The following CACNA1H variants were observed in gnomAD, a reference collection of about 807,000 sequenced individuals.
The protein encoded by CACNA1H is voltage-dependent T-type calcium channel subunit alpha-1H.
A neutral mutation model predicts 192.5 loss-of-function variants in CACNA1H; 149 were observed. The ratio of observed to expected loss-of-function variants is 0.77; its 90% CI spans 0.68 to 0.89. The LOEUF is 0.89. Ranked by LOEUF, CACNA1H falls within the 40% of genes least tolerant of loss-of-function variation. The probability of loss-of-function intolerance (pLI) is 0.00; values close to 1 mark genes in which losing one functional copy is unlikely to be tolerated. For synonymous variants in CACNA1H, 2,202 were observed against 1,475.2 expected, an observed-to-expected ratio of 1.49 and a Z score of -11.29; for missense variants, 4,257 against 3,423.5, an observed-to-expected ratio of 1.24 and a Z score of -6.08.
chr16:1,167,164 C>G lies in CACNA1H; in HGVS notation c.299+13128C>G, dbSNP rs1220022250. On this transcript the variant is annotated intron_variant, in intron 2 of 34. Transcript: ENST00000348261. The surrounding 1 kb of genome is among the most constrained non-coding windows in gnomAD (Gnocchi z 4.2). ...TTTCCTCGCCGACCCTTTGGGGCGT[C>G]TCCCATCGGGAAATGGCAGCCCCTG... Among the ~76,000 whole-genome samples the G allele has an allele frequency of 6.6e-6, 1 of 152,208 alleles. No homozygotes were observed. The highest frequency in any genetic ancestry group is 1.9e-4 in the East Asian group (1 of 5,174).
chr16:1,207,066 C>T lies in CACNA1H; in HGVS notation c.2855C>T (p.Pro952Leu). 6.2e-7 allele frequency: 1 copy of T among 1,603,514 alleles called. No individual in the cohort carries two copies. Among genetic ancestry groups the T allele is most frequent in the East Asian group, 2.3e-5 (1 of 44,440 alleles). ...AAGACAGACACCGGAGACACCGTGC[C>T]TGACAGGAAGAACTTCGACTCCCTG... Reference protein sequence around the residue: ...SLKTDTGDTVPDRKNFDSLLW... With the variant: ...SLKTDTGDTVLDRKNFDSLLW... Residue 952 changes from proline (P) to leucine (L), a missense_variant, in exon 13 of 35, where the codon CCT becomes CTT. Transcript: ENST00000348261.
Position 1,207,062 on chromosome 16 carries a change from G to C in CACNA1H, c.2851G>C (p.Val951Leu). ...CCTGAAGACAGACACCGGAGACACC[G>C]TGCCTGACAGGAAGAACTTCGACTC... is the stretch of plus-strand genomic sequence containing the variant. Reference protein sequence around the residue: ...FSLKTDTGDTVPDRKNFDSLL... With the variant: ...FSLKTDTGDTLPDRKNFDSLL... The change falls in exon 13 of 35, where the codon GTG becomes CTG. Residue 951 changes from valine (V) to leucine (L), a missense_variant. Val to Leu is a conservative substitution (Grantham distance 32). Transcript: ENST00000348261. 1 of 1,603,112 alleles carries C rather than the reference G, an allele frequency of 6.2e-7. No individual in the cohort carries two copies. Among genetic ancestry groups the C allele is most frequent in the Non-Finnish European group, 8.5e-7 (1 of 1,174,922 alleles).
chr16:1,175,226 C>T (rs1055802760), intron 2 of CACNA1H, among the ~76,000 whole-genome samples: 6 of 152,290 alleles, frequency 3.9e-5, no homozygotes, highest in South Asian at 2.1e-4. Flanking sequence ...ATGTCCACAG[C>T]CCTTATGTGG....
In CACNA1H at chr16:1,212,145, C is replaced by T. The variant is rs765971981; in HGVS notation, c.4759+7C>T. On this transcript the variant is annotated splice_region_variant and intron_variant, in intron 25 of 34. Coordinates refer to ENST00000348261, the MANE Select transcript of CACNA1H (RefSeq NM_021098.3). ...CTAGAGAGGAGGCGCAGGAGTAAGG[C>T]GCTCCCGGTGGCGGTGGCGGTGGCG... is the stretch of plus-strand genomic sequence containing the variant. 3 of 1,600,700 alleles carry T rather than the reference C, an allele frequency of 1.9e-6. No homozygotes were observed. The highest frequency in any genetic ancestry group is 8.5e-7 in the Non-Finnish European group (1 of 1,178,010).
chr16:1,198,673 TCTG>T lies in CACNA1H; in HGVS notation c.706_708del (p.Leu236del). On this transcript the variant is annotated inframe_deletion, in exon 6 of 35. Coordinates refer to ENST00000348261, the MANE Select transcript of CACNA1H (RefSeq NM_021098.3). ...CGCTGCCCATGCTCGGGAACGTCCT[TCTG>T]CTGTGCTTCTTCGTCTTCTTCATTT... The T allele has an allele frequency of 6.2e-7, 1 of 1,613,508 alleles. No homozygotes were observed. The highest frequency in any genetic ancestry group is 8.5e-7 in the Non-Finnish European group (1 of 1,179,640).
At position 1,210,022 on chromosome 16, in the gene CACNA1H, C is replaced by T. The variant is rs1161005118; in HGVS notation, c.3745-13C>T. 1.9e-6 allele frequency: 3 copies of T among 1,544,948 alleles called. No homozygotes were observed. The highest frequency in any genetic ancestry group is 2.0e-5 in the Admixed American group (1 of 50,964). ...AGGCGCAGGCTCTGAGAAGCCGCCG[C>T]CTCATCCCACAGAGCTGCTGCCTCC... On this transcript the variant is annotated splice_polypyrimidine_tract_variant and intron_variant, in intron 17 of 34. Coordinates refer to ENST00000348261, the MANE Select transcript of CACNA1H (RefSeq NM_021098.3).
intron 2 of CACNA1H, among the ~76,000 whole-genome samples, chr16:1,168,171 A>C (rs1463674832): frequency 1.3e-5 from 2 of 151,290 alleles, no homozygotes; most frequent in African/African-American, 4.9e-5. Flanking sequence ...CGCCCCCTCC[A>C]GTTGGGGCGG....
At chr16:1,185,474 C>G (rs1217529170) in intron 2 of CACNA1H, among the ~76,000 whole-genome samples, 1 of 150,718 alleles carries the variant, frequency 6.6e-6, no homozygotes, top group Non-Finnish European at 1.5e-5. Context: ...CAGCCAGACT[C>G]CCACATGGAC....
Position 1,208,134 on chromosome 16 carries a change from A to T in CACNA1H, c.3276A>T (p.Pro1092=), listed in dbSNP as rs200569619. Residue 1092 remains proline, a synonymous_variant, in exon 16 of 35, where the codon CCA becomes CCT. Coordinates refer to ENST00000348261, the MANE Select transcript of CACNA1H (RefSeq NM_021098.3). ...ATPMPTPKSS[P]FLDAAPSLPD... is the part of the protein sequence containing the mutation. ...CCATGCCTACCCCCAAGAGCTCACC[A>T]TTCCTGGATGCAGCCCCCAGCCTCC... 8.4e-4 allele frequency: 1,330 copies of T among 1,589,928 alleles called. 2 individuals carry two copies. The highest frequency in any genetic ancestry group is 9.7e-4 in the Non-Finnish European group (1,138 of 1,169,770).
At chr16:1,162,026 G>A (rs554897325) in intron 2 of CACNA1H, among the ~76,000 whole-genome samples, 1 of 152,262 alleles carries the variant, frequency 6.6e-6, no homozygotes, top group South Asian at 2.1e-4. Context: ...TCCCTGCTCC[G>A]GACCCTGTCG....
intron 9 of CACNA1H, among the ~76,000 whole-genome samples, chr16:1,203,729 G>C (rs1385979088): frequency 6.6e-6 from 1 of 152,206 alleles, no homozygotes; most frequent in Non-Finnish European, 1.5e-5. Flanking sequence ...CGTCCCTGCG[G>C]TCTCTCTGTC....
At position 1,180,860 on chromosome 16, in the gene CACNA1H, C is replaced by G. The variant is rs1180926226; in HGVS notation, c.300-14112C>G. 6.6e-6 allele frequency among the ~76,000 whole-genome samples: 1 copy of G among 152,200 alleles called. No homozygotes were observed. The highest frequency in any genetic ancestry group is 2.4e-5 in the African/African-American group (1 of 41,452). On this transcript the variant is annotated intron_variant, in intron 2 of 34. Coordinates refer to ENST00000348261, the MANE Select transcript of CACNA1H (RefSeq NM_021098.3). The surrounding 1 kb of genome is among the most constrained non-coding windows in gnomAD (Gnocchi z 4.4). ...TGGACTCCCCGGGCCAGCACCCGAC[C>G]TGGCCGCCAGCGTGCTGAGGACAGA... is the stretch of plus-strand genomic sequence containing the variant.
intron 2 of CACNA1H, among the ~76,000 whole-genome samples, chr16:1,186,282 C>A (rs909146017): frequency 6.6e-6 from 1 of 151,962 alleles, no homozygotes; most frequent in South Asian, 2.1e-4. Flanking sequence ...GCGGCTCCCT[C>A]GAGGTGTCCC....
At chr16:1,184,217 C>T (rs374590799) in intron 2 of CACNA1H, among the ~76,000 whole-genome samples, 9 of 152,372 alleles carry the variant, frequency 5.9e-5, no homozygotes, top group East Asian at 3.9e-4. Context: ...GGCCCCTCCC[C>T]GAGCCCTGAG....
intron 2 of CACNA1H, among the ~76,000 whole-genome samples, chr16:1,185,654 A>G (rs77589780): frequency 0.25 from 1,873 of 7,454 alleles, 272 homozygotes; most frequent in South Asian, 0.55. Flanking sequence ...GACGGTCGGC[A>G]TGCATAGGGG....
chr16:1,163,558 C>T (rs1354609020), intron 2 of CACNA1H, among the ~76,000 whole-genome samples: 1 of 152,244 alleles, frequency 6.6e-6, no homozygotes, highest in Admixed American at 6.5e-5. Flanking sequence ...GGGTCTCTCT[C>T]AGGGCCACAC....
rs193234629 is a variant in CACNA1H, at chr16:1,220,856, A to T, written c.6924A>T (p.Ser2308=). ...GAIVPLEPPE[S]EPPMPVGDPP... Reference sequence around the variant, plus strand: ...TAGTGCCCCTGGAACCCCCAGAATCAGAGCCTCCCATGCCCGTCGGTGACC... The same window carrying T: ...TAGTGCCCCTGGAACCCCCAGAATCTGAGCCTCCCATGCCCGTCGGTGACC... The change falls in exon 35 of 35, where the codon TCA becomes TCT. Residue 2308 remains serine, a synonymous_variant. Transcript: ENST00000348261. The T allele has an allele frequency of 6.2e-7, 1 of 1,612,672 alleles. No homozygotes were observed. The highest frequency in any genetic ancestry group is 1.1e-5 in the South Asian group (1 of 91,086).
At chr16:1,185,634 C>T (rs1213195639) in intron 2 of CACNA1H, among the ~76,000 whole-genome samples, 1 of 137,222 alleles carries the variant, frequency 7.3e-6, no homozygotes, top group South Asian at 2.2e-4. Flanking sequence ...ACGTGGGGGG[C>T]GGGCGAGTAG....
At chr16:1,190,109 C>A (rs1405646216) in intron 2 of CACNA1H, among the ~76,000 whole-genome samples, 2 of 152,150 alleles carry the variant, frequency 1.3e-5, no homozygotes, top group African/African-American at 4.8e-5. Context: ...TGAGGGAGAC[C>A]CCGTAGCCAA....
Sources: allele counts gnomAD v4.1 joint callset (sites outside exome capture counted in the v4.1 genomes callset), GRCh38; gene constraint gnomAD v4.1.1; non-coding constraint Gnocchi (gnomAD v3.1); transcripts MANE v1.5; gene names NCBI Gene and HGNC (gene_info 2026-07-23, HGNC 2026-07-21).